KANSL1L: variants seen among roughly 807,000 people sequenced by gnomAD.
KANSL1L encodes KAT8 regulatory NSL complex subunit 1-like protein.
In KANSL1L, 25 loss-of-function variants were observed where a neutral mutation model predicts 108.6. That is an observed-to-expected ratio of 0.23 (90% CI 0.17 to 0.32). KANSL1L has a LOEUF of 0.32. Ranked by LOEUF, KANSL1L falls within the 10% of genes least tolerant of loss-of-function variation. The pLI is 1.00. For missense variants in KANSL1L, 1,137 were observed against 1,125.7 expected, an observed-to-expected ratio of 1.01 and a Z score of -0.14; for synonymous variants, 405 against 395.1, an observed-to-expected ratio of 1.03 and a Z score of -0.30.
At chr2:210,170,373 T>G in intron 1 of KANSL1L, 1 of 985,368 alleles carries the variant, frequency 1.0e-6, no homozygotes, top group Non-Finnish European at 1.2e-6. Context: ...AAACGGACTC[T>G]CCCAGAGTAA....
chr2:210,064,974 A>G (rs184995808), intron 6 of KANSL1L, among the ~76,000 whole-genome samples: 14 of 152,180 alleles, frequency 9.2e-5, no homozygotes, highest in Non-Finnish European at 1.6e-4. Flanking sequence ...TTAATTGCCT[A>G]TGATAAAGTA....
chr2:210,036,153 G>A (rs1295445685), intron 8 of KANSL1L, among the ~76,000 whole-genome samples: 2 of 151,968 alleles, frequency 1.3e-5, no homozygotes, highest in Non-Finnish European at 2.9e-5. Context: ...TGCCTTCTAA[G>A]TAGTTACATA....
intron 3 of KANSL1L, among the ~76,000 whole-genome samples, chr2:210,117,105 G>A (rs908254950): frequency 6.6e-6 from 1 of 152,050 alleles, no homozygotes; most frequent in African/African-American, 2.4e-5. Context: ...ACATTATGAA[G>A]AATGCACAAG....
chr2:210,168,365 A>G (rs1688112933), intron 1 of KANSL1L, among the ~76,000 whole-genome samples: 1 of 152,096 alleles, frequency 6.6e-6, no homozygotes, highest in Non-Finnish European at 1.5e-5. Flanking sequence ...TACATGAAAA[A>G]CATCATGAAA....
chr2:210,027,448 C>T (rs2093953455), intron 11 of KANSL1L, 98 bp from the exon 12 acceptor site: 4 of 744,988 alleles, frequency 5.4e-6, no homozygotes, highest in Non-Finnish European at 9.5e-6. Context: ...TTCCTTGGCA[C>T]TTCCATGGTT....
Position 210,146,365 on chromosome 2 carries a change from C to G in KANSL1L, c.1088+7130G>C, listed in dbSNP as rs192678363. The stretch of plus-strand genomic sequence containing the variant: ...GGAGTGAAGACTGGTATCTCCTACT[C>G]GACTATCTTGCTTCTATCACTCAGC... On this transcript the variant is annotated intron_variant, in intron 2 of 14. Transcript: ENST00000281772. Among the ~76,000 whole-genome samples the G allele has an allele frequency of 2.2e-3, 331 of 152,288 alleles. 5 individuals are homozygous for G. The highest frequency in any genetic ancestry group is 0.019 in the Admixed American group (294 of 15,290).
intron 3 of KANSL1L, among the ~76,000 whole-genome samples, chr2:210,115,367 G>A (rs2094944405): frequency 6.6e-6 from 1 of 152,090 alleles, no homozygotes. Context: ...ATGAAACCAT[G>A]CCACAAAGAG....
At chr2:210,149,338 T>G (rs1049351366) in intron 2 of KANSL1L, among the ~76,000 whole-genome samples, 1 of 152,178 alleles carries the variant, frequency 6.6e-6, no homozygotes, top group Admixed American at 6.5e-5. Flanking sequence ...AATACTCATG[T>G]TGCTTAAAAT....
At chr2:210,042,736 G>T (rs1032309074) in intron 7 of KANSL1L, among the ~76,000 whole-genome samples, 2 of 152,074 alleles carry the variant, frequency 1.3e-5, no homozygotes, top group African/African-American at 2.4e-5. Flanking sequence ...TTGTTATATG[G>T]ATTATTATTT....
chr2:210,075,247 GT>G (rs1255346262), intron 6 of KANSL1L, among the ~76,000 whole-genome samples: 2 of 151,854 alleles, frequency 1.3e-5, no homozygotes, highest in Non-Finnish European at 2.9e-5. Flanking sequence ...ATCTTTGACA[GT>G]ACATTTTAAA....
At position 210,095,883 on chromosome 2, in the gene KANSL1L, G is replaced by GA. The variant is rs543673057; in HGVS notation, c.1550+2202dup. 4.0e-3 allele frequency among the ~76,000 whole-genome samples: 610 copies of GA among 152,104 alleles called. 4 individuals are homozygous for GA. Among genetic ancestry groups the GA allele is most frequent in the African/African-American group, 0.014 (580 of 41,520 alleles). On this transcript the variant is annotated intron_variant, in intron 5 of 14. Coordinates refer to ENST00000281772, the MANE Select transcript of KANSL1L (RefSeq NM_152519.4). ...AATATGATATTTTGACAACAAATGG[G>GA]AAAATAAATGCTTTTTGAAACACAC... is the stretch of plus-strand genomic sequence containing the variant.
intron 5 of KANSL1L, among the ~76,000 whole-genome samples, chr2:210,092,092 C>G (rs1432965869): frequency 6.6e-6 from 1 of 152,150 alleles, no homozygotes; most frequent in African/African-American, 2.4e-5. Context: ...TGCTTTTGGA[C>G]ATTCCATTTA....
intron 9 of KANSL1L, chr2:210,031,189 A>T: frequency 5.1e-6 from 2 of 388,564 alleles, no homozygotes; most frequent in Non-Finnish European, 4.6e-6. Flanking sequence ...GAAGACAACT[A>T]GTCAGGGAAC....
At chr2:210,119,111 G>C (rs2094987488) in intron 3 of KANSL1L, among the ~76,000 whole-genome samples, 1 of 151,970 alleles carries the variant, frequency 6.6e-6, no homozygotes, top group South Asian at 2.1e-4. Context: ...TTGAACCTGG[G>C]AGGCGGAGGT....
chr2:210,028,948 T>C lies in KANSL1L; in HGVS notation c.2293A>G (p.Arg765Gly), dbSNP rs112688964. The change falls in exon 11 of 15, where the codon AGA becomes GGA. Residue 765 changes from arginine (R) to glycine (G), a missense_variant. Arg to Gly is a moderately radical substitution (Grantham distance 125). This residue lies in a region of KANSL1L where 575 missense variants were observed against 567.1 expected (regional missense o/e 1.01). Transcript: ENST00000281772. ...SSRNTARRRLRSESSYDIDNI... is the reference protein window; with the variant it reads ...SSRNTARRRLGSESSYDIDNI... The stretch of plus-strand genomic sequence containing the variant: ...TCTATGTCATAAGAGCTCTCACTTC[T>C]CAATCTCCGTCGTGCAGTATTCTGC... 1.2e-6 allele frequency: 2 copies of C among 1,611,122 alleles called. No homozygotes were observed. Among genetic ancestry groups the C allele is most frequent in the Admixed American group, 3.4e-5 (2 of 59,698 alleles).
At position 210,022,001 on chromosome 2, in the gene KANSL1L, A is replaced by AGCTTTT. The variant is rs2093864419; in HGVS notation, c.*947_*948insAAAAGC. 1 of 145,356 alleles carries AGCTTTT rather than the reference A, an allele frequency of 6.9e-6. No individual in the cohort carries two copies. The highest frequency in any genetic ancestry group is 2.7e-5 in the African/African-American group (1 of 36,848). 9.0% of individuals were successfully genotyped at this position (145,356 alleles called of 1,614,324 possible). ...TTCTTGCTAATCTAGAAATACAATC[A>AGCTTTT]TCTTTTTTTTTTTTTTCAAATTTTA... On this transcript the variant is annotated 3_prime_UTR_variant, in exon 15 of 15. Transcript: ENST00000281772.
rs150172264 is a variant in KANSL1L at position 210,036,671 on chromosome 2, G to A, written c.2029+3749C>T. 2.0e-5 allele frequency among the ~76,000 whole-genome samples: 3 copies of A among 152,146 alleles called. No homozygotes were observed. In the East Asian group the frequency reaches 5.8e-4, roughly 29 times the overall value. On this transcript the variant is annotated intron_variant, in intron 8 of 14. Transcript: ENST00000281772. ...ACAGCAAAAGAAAAATTAATGACCA[G>A]CTATTTAAGACAGATATATAGGATG...
chr2:210,171,650 T>C (rs1253610732), upstream of KANSL1L: 1 of 151,646 alleles, frequency 6.6e-6, no homozygotes, highest in Non-Finnish European at 1.5e-5. Flanking sequence ...GTGCCATCCC[T>C]GGCGAGGGGG....
At chr2:210,125,923 G>A (rs942493966) in intron 3 of KANSL1L, among the ~76,000 whole-genome samples, 2 of 152,036 alleles carry the variant, frequency 1.3e-5, no homozygotes, top group Non-Finnish European at 2.9e-5. Flanking sequence ...CAGGAACAAG[G>A]CAAAAATGCT....
Sources: gnomAD v4.1 joint callset for allele counts (sites outside exome capture counted in the v4.1 genomes callset) on GRCh38, gnomAD v4.1.1 for gene constraint, gnomAD v4.1.1 regional missense constraint, MANE v1.5 for transcripts, NCBI Gene and HGNC (gene_info 2026-07-23, HGNC 2026-07-21) for gene names.